Variants in NRXN3 observed in about 807,000 individuals in gnomAD.
NRXN3 encodes the protein neurexin III.
NRXN3 carries 32 observed loss-of-function variants against 137.6 expected under a neutral mutation model. The observed-to-expected ratio is 0.23, with a 90% CI of 0.18 to 0.31. NRXN3 has a LOEUF of 0.31. Among genes scored for constraint, NRXN3 ranks in the 10% least tolerant of loss-of-function variants. The pLI, the probability that NRXN3 is intolerant of heterozygous loss-of-function variation, is 1.00. For missense variants in NRXN3, 1,574 were observed against 2,062.5 expected (o/e 0.76, Z 4.59); for synonymous variants, 798 against 784.5 (o/e 1.02, Z -0.29).
At chr14:78,512,033 T>G (rs1338936564) in intron 4 of NRXN3, among the ~76,000 whole-genome samples, 1 of 152,340 alleles carries the variant, frequency 6.6e-6, no homozygotes, top group African/African-American at 2.4e-5. Flanking sequence ...CAGAGACTTA[T>G]TGTCATTATT....
intron 15 of NRXN3, among the ~76,000 whole-genome samples, chr14:79,329,858 T>G (rs1598785605): frequency 1.4e-5 from 2 of 143,696 alleles, no homozygotes; most frequent in African/African-American, 2.6e-5. Flanking sequence ...TTTTTTTTTT[T>G]GGAGATGGAG....
At chr14:79,398,193 G>A (rs556860334) in intron 15 of NRXN3, among the ~76,000 whole-genome samples, 1 of 152,228 alleles carries the variant, frequency 6.6e-6, no homozygotes, top group Non-Finnish European at 1.5e-5. Context: ...TTTTTGAGAA[G>A]GGGCCATGGC....
intron 4 of NRXN3, among the ~76,000 whole-genome samples, chr14:78,409,983 C>A (rs1418187630): frequency 6.6e-6 from 1 of 152,156 alleles, no homozygotes; most frequent in African/African-American, 2.4e-5. Flanking sequence ...GAACTTAGTT[C>A]TCCTCCTCTT....
At chr14:79,567,213 T>C (rs1277217499) in intron 16 of NRXN3, among the ~76,000 whole-genome samples, 1 of 152,062 alleles carries the variant, frequency 6.6e-6, no homozygotes, top group Non-Finnish European at 1.5e-5. Context: ...TTATGTTAAA[T>C]ACAGTTTAGG....
chr14:78,916,584 G>A (rs942170178), intron 10 of NRXN3, among the ~76,000 whole-genome samples: 2 of 152,168 alleles, frequency 1.3e-5, no homozygotes, highest in Non-Finnish European at 2.9e-5. Flanking sequence ...TACAAAACCA[G>A]GGGGGCTTGG....
At chr14:78,725,486 T>C (rs746371167) in intron 8 of NRXN3, among the ~76,000 whole-genome samples, 1 of 152,244 alleles carries the variant, frequency 6.6e-6, no homozygotes, top group Non-Finnish European at 1.5e-5. Context: ...TAGTTGTCTC[T>C]GATCTCTTTG....
chr14:78,655,361 G>T (rs2097776295), intron 6 of NRXN3, among the ~76,000 whole-genome samples: 1 of 152,090 alleles, frequency 6.6e-6, no homozygotes, highest in African/African-American at 2.4e-5. Flanking sequence ...AAATAGAAAT[G>T]TAAGTGTAAG....
At chr14:78,786,981 A>G (rs556768781) in intron 8 of NRXN3, among the ~76,000 whole-genome samples, 65 of 152,212 alleles carry the variant, frequency 4.3e-4, no homozygotes, top group Non-Finnish European at 6.6e-4. Flanking sequence ...TATGCAATTC[A>G]GAGACAGTAA....
chr14:78,390,691 A>G (rs1464441487), intron 4 of NRXN3, among the ~76,000 whole-genome samples: 1 of 152,218 alleles, frequency 6.6e-6, no homozygotes, highest in Non-Finnish European at 1.5e-5. Flanking sequence ...GTACCAATAT[A>G]TAATGTTAAA....
At chr14:79,261,139 T>C (rs2077515851) in intron 15 of NRXN3, among the ~76,000 whole-genome samples, 1 of 152,040 alleles carries the variant, frequency 6.6e-6, no homozygotes, top group African/African-American at 2.4e-5. Flanking sequence ...GAGATATATG[T>C]GAGGGGCATA....
intron 16 of NRXN3, among the ~76,000 whole-genome samples, chr14:79,574,919 C>T (rs1457069856): frequency 6.6e-6 from 1 of 151,736 alleles, no homozygotes; most frequent in Non-Finnish European, 1.5e-5. Flanking sequence ...GGAGCTCCTC[C>T]CCAAACCCCT....
At chr14:78,256,126 A>T (rs1029377216) in intron 2 of NRXN3, among the ~76,000 whole-genome samples, 3 of 152,058 alleles carry the variant, frequency 2.0e-5, no homozygotes, top group African/African-American at 7.2e-5. Flanking sequence ...TATAACAATT[A>T]TAGGCAGTAG....
chr14:79,442,518 T>A (rs1160675127), intron 15 of NRXN3, among the ~76,000 whole-genome samples: 1 of 152,204 alleles, frequency 6.6e-6, no homozygotes, highest in African/African-American at 2.4e-5. Context: ...TGCTATAACC[T>A]TGATTATTCA....
chr14:79,722,005 A>G (rs752553982), intron 19 of NRXN3, among the ~76,000 whole-genome samples: 2 of 152,128 alleles, frequency 1.3e-5, no homozygotes, highest in Non-Finnish European at 2.9e-5. Context: ...GGAGTCAGAC[A>G]TTACAGATTT....
chr14:78,347,710 CTG>C (rs1390729303), intron 4 of NRXN3, among the ~76,000 whole-genome samples: 2 of 152,162 alleles, frequency 1.3e-5, no homozygotes, highest in East Asian at 3.9e-4. Context: ...GCCTTAGTCT[CTG>C]TGACGTTGGG....
intron 15 of NRXN3, among the ~76,000 whole-genome samples, chr14:79,277,306 G>A (rs2080438607): frequency 6.6e-6 from 1 of 152,182 alleles, no homozygotes; most frequent in African/African-American, 2.4e-5. Context: ...CATCTGGCAG[G>A]AGATGGAGCT....
At chr14:78,439,690 A>T (rs1211339438) in intron 4 of NRXN3, among the ~76,000 whole-genome samples, 1 of 152,142 alleles carries the variant, frequency 6.6e-6, no homozygotes, top group African/African-American at 2.4e-5. Flanking sequence ...CAGGTGTGGA[A>T]ACCAAGGCAG....
chr14:78,683,934 T>C (rs10143777), intron 6 of NRXN3, among the ~76,000 whole-genome samples: 149 of 152,362 alleles, frequency 9.8e-4, no homozygotes, highest in African/African-American at 3.3e-3. Context: ...AAAGACATCT[T>C]AATCACACCA....
At chr14:79,387,278 A>G (rs1369549240) in intron 15 of NRXN3, among the ~76,000 whole-genome samples, 4 of 152,170 alleles carry the variant, frequency 2.6e-5, no homozygotes, top group African/African-American at 7.2e-5. Context: ...CAACCCCATC[A>G]AAAAGTGGGC....
Sources: gnomAD v4.1 joint callset for allele counts (sites outside exome capture counted in the v4.1 genomes callset) on GRCh38, gnomAD v4.1.1 for gene constraint, MANE v1.5 for transcripts, NCBI Gene and HGNC (gene_info 2026-07-23, HGNC 2026-07-21) for gene names.